The following SLC35B1 variants were observed in gnomAD, a reference collection of about 807,000 sequenced individuals.
SLC35B1 encodes ATP/ADP exchanger ER.
SLC35B1 carries 27 observed loss-of-function variants against 36.6 expected under a neutral mutation model. The ratio of observed to expected loss-of-function variants is 0.74; its 90% confidence interval spans 0.54 to 1.02. The LOEUF is 1.02. Ranked by LOEUF, SLC35B1 falls within the 50% of genes least tolerant of loss-of-function variation. The pLI, the probability that SLC35B1 is intolerant of heterozygous loss-of-function variation, is 0.00. For missense variants in SLC35B1, 321 were observed against 383.2 expected (o/e 0.84, Z 1.35); for synonymous variants, 162 against 152.5 (o/e 1.06, Z -0.46).
At chr17:49,708,032 G>C (rs1411227523), upstream of SLC35B1, 2 of 1,195,704 alleles carry the variant, frequency 1.7e-6, no homozygotes, top group East Asian at 5.1e-5. Context: ...AAACTCCTCA[G>C]AACCCAGCAA....
chr17:49,705,501 A>C (rs2073404603), intron 4 of SLC35B1: 1 of 592,152 alleles, frequency 1.7e-6, no homozygotes, highest in East Asian at 2.8e-5. Flanking sequence ...CAAAGGTGAA[A>C]AGTCCAGGAA....
Position 49,707,039 on chromosome 17 carries a change from T to C in SLC35B1, c.134A>G (p.Lys45Arg). Reference protein sequence around the residue: ...ITRGKYGEGAKQETFTFALTL... With the variant: ...ITRGKYGEGARQETFTFALTL... Reference sequence around the variant, plus strand: ...TAAGGCAAAGGTGAACGTCTCCTGCTTGGCTCCTTCCCCATACTTTCCTCT... The same window carrying C: ...TAAGGCAAAGGTGAACGTCTCCTGCCTGGCTCCTTCCCCATACTTTCCTCT... The change falls in exon 2 of 9, where the codon AAG (lysine) becomes AGG (arginine). Residue 45 changes from lysine (K) to arginine (R), a missense_variant. Coordinates refer to ENST00000240333, the MANE Select transcript of SLC35B1 (RefSeq NM_005827.4). 6.2e-7 allele frequency: 1 copy of C among 1,613,954 alleles called. No homozygotes were observed.
rs1250315056 is a variant in SLC35B1, at chr17:49,705,299, A to G, written c.371-18T>C. On this transcript the variant is annotated intron_variant, in intron 4 of 8. Coordinates refer to ENST00000240333, the MANE Select transcript of SLC35B1 (RefSeq NM_005827.4). ...GAGCATGACTACAGGGAAAAAACAG[A>G]GTGGAAAATTCAGGCATCCATAAGG... 1.9e-6 allele frequency: 3 copies of G among 1,613,174 alleles called. No homozygotes were observed. The highest frequency in any genetic ancestry group is 2.5e-6 in the Non-Finnish European group (3 of 1,179,456).
In SLC35B1 at chr17:49,701,086, A is replaced by C. The variant is rs1379461485; in HGVS notation, c.*372T>G. 1 of 184,466 alleles carries C rather than the reference A, an allele frequency of 5.4e-6. No homozygotes were observed. 11.4% of individuals were successfully genotyped at this position (184,466 alleles called of 1,614,324 possible). ...GACAAGCCTCACCCATCGGAACAGA[A>C]GCCATTAGCACAATTCTGCGATCTC... On this transcript the variant is annotated 3_prime_UTR_variant, in exon 9 of 9. Transcript: ENST00000240333.
chr17:49,706,792 T>C (rs2073424532), intron 2 of SLC35B1, among the ~76,000 whole-genome samples, 173 bp downstream of exon 2: 1 of 152,196 alleles, frequency 6.6e-6, no homozygotes, highest in Admixed American at 6.5e-5. Flanking sequence ...AAATAATATT[T>C]TACTCCACTT....
chr17:49,707,581 C>T, intron 1 of SLC35B1, 149 bp downstream of exon 1: 1 of 1,465,218 alleles, frequency 6.8e-7, no homozygotes, highest in Non-Finnish European at 9.1e-7. Context: ...TCTGGGTAGG[C>T]TCAGCCATAG....
chr17:49,706,121 T>TTTAAA, intron 3 of SLC35B1, 83 bp downstream of exon 3: 1 of 1,354,316 alleles, frequency 7.4e-7, no homozygotes, highest in Non-Finnish European at 1.0e-6. Context: ...TTTTTTTTTT[T>TTTAAA]TAACTCACAG....
In SLC35B1 at chr17:49,707,829, G is replaced by A. The variant is rs1462460300; in HGVS notation, c.5C>T (p.Ala2Val). The change falls in exon 1 of 9, where the codon GCC becomes GTC. Residue 2 changes from alanine to valine, a missense_variant. Ala to Val is a moderately conservative substitution (Grantham distance 64). Coordinates refer to ENST00000240333, the MANE Select transcript of SLC35B1 (RefSeq NM_005827.4). ...GTCGGGCACCAGGGAGCTGCTAGAG[G>A]CCATGAGACGCCCAGAGGAGCCGAC... M[A>V]SSSSLVPDRL... 2 of 1,611,860 alleles carry A rather than the reference G, an allele frequency of 1.2e-6. No homozygotes were observed. Among genetic ancestry groups the A allele is most frequent in the Admixed American group, 1.7e-5 (1 of 59,984 alleles).
intron 2 of SLC35B1, among the ~76,000 whole-genome samples, chr17:49,706,665 C>T (rs1190842179): frequency 6.6e-6 from 1 of 152,120 alleles, no homozygotes; most frequent in Non-Finnish European, 1.5e-5. Context: ...GAAGCTGACA[C>T]ACAAAAGAAA....
chr17:49,707,274 A>C, intron 1 of SLC35B1: 1 of 1,460,872 alleles, frequency 6.8e-7, no homozygotes, highest in Non-Finnish European at 9.1e-7. Flanking sequence ...CTGATTCCAA[A>C]GCCTAAGAAA....
Position 49,701,399 on chromosome 17 carries a change from A to T in SLC35B1, c.*59T>A. ...CCTATTAAGTCCATTTTCCCAAGAG[A>T]TGTCACTGTTTGAGATAATAACTTA... On this transcript the variant is annotated 3_prime_UTR_variant, in exon 9 of 9. Transcript: ENST00000240333. 7.5e-7 allele frequency: 1 copy of T among 1,329,994 alleles called. No homozygotes were observed. Among genetic ancestry groups the T allele is most frequent in the East Asian group, 2.3e-5 (1 of 43,394 alleles). 82.4% of individuals were successfully genotyped at this position (1,329,994 alleles called of 1,614,324 possible).
In SLC35B1 at chr17:49,707,944, T is replaced by C. The variant is rs1336200564; in HGVS notation, c.-111A>G. On this transcript the variant is annotated 5_prime_UTR_variant, in exon 1 of 9. An upstream start codon of the reference 5' UTR is lost. Transcript: ENST00000240333. ...TCGCCGACCGGCGGCAGGGGCCTCA[T>C]AGGAGCTGCATGCGACCGCTGTCCA... 2 of 1,555,546 alleles carry C rather than the reference T, an allele frequency of 1.3e-6. No individual in the cohort carries two copies. The highest frequency in any genetic ancestry group is 1.7e-6 in the Non-Finnish European group (2 of 1,149,678).
intron 1 of SLC35B1, chr17:49,707,369 G>A: frequency 7.0e-7 from 1 of 1,429,504 alleles, no homozygotes; most frequent in Non-Finnish European, 9.3e-7. Context: ...CGGTATTTCG[G>A]CTATGGCACC....
At chr17:49,706,363 A>C (rs1376450035) in intron 2 of SLC35B1, 29 bp from the exon 3 acceptor site, 5 of 1,119,400 alleles carry the variant, frequency 4.5e-6, no homozygotes, top group African/African-American at 3.3e-5. Context: ...AAAAAAAAAA[A>C]AAGAAAAGAA....
chr17:49,706,126 T>G, intron 3 of SLC35B1, 78 bp downstream of exon 3: 1 of 857,466 alleles, frequency 1.2e-6, no homozygotes, highest in Non-Finnish European at 1.8e-6. Context: ...TTTTTTTAAC[T>G]CACAGACCTG....
At chr17:49,704,346 C>T (rs953975017) in intron 5 of SLC35B1, 120 bp from the exon 6 acceptor site, 1 of 1,268,848 alleles carries the variant, frequency 7.9e-7, no homozygotes, top group Non-Finnish European at 1.1e-6. Flanking sequence ...GTCCTCAGAA[C>T]AAAACGTTGC....
intron 1 of SLC35B1, chr17:49,707,380 A>G: frequency 7.0e-7 from 1 of 1,429,330 alleles, no homozygotes; most frequent in Non-Finnish European, 9.3e-7. Flanking sequence ...CTATGGCACC[A>G]AGGCCGAGGA....
intron 8 of SLC35B1, 156 bp from the exon 9 acceptor site, chr17:49,701,666 C>T: frequency 1.6e-6 from 1 of 606,626 alleles, no homozygotes; most frequent in East Asian, 2.8e-5. Context: ...TCCTCAGAGA[C>T]AAGAGAATGG....
chr17:49,703,586 G>C (rs1194194720), intron 6 of SLC35B1: 1 of 384,906 alleles, frequency 2.6e-6, no homozygotes, highest in Non-Finnish European at 4.9e-6. Flanking sequence ...ATGCTGTAGA[G>C]ATGCTGACCC....
Sources: gnomAD v4.1 joint callset for allele counts (sites outside exome capture counted in the v4.1 genomes callset) on GRCh38, gnomAD v4.1.1 for gene constraint, MANE v1.5 for transcripts, NCBI Gene and HGNC (gene_info 2026-07-23, HGNC 2026-07-21) for gene names.